Variants in CDKAL1 observed in about 807,000 individuals in gnomAD.
CDKAL1 encodes CDKAL1 threonylcarbamoyladenosine tRNA methylthiotransferase.
A neutral mutation model predicts 68.2 loss-of-function variants in CDKAL1; 32 were observed. That is an observed-to-expected ratio of 0.47 (90% CI 0.35 to 0.63). The LOEUF (loss-of-function observed/expected upper bound fraction) is 0.63, where lower values mean the gene tolerates loss of function less well. Among genes scored for constraint, CDKAL1 ranks in the 30% least tolerant of loss-of-function variants. CDKAL1 has a pLI of 0.00. For synonymous variants in CDKAL1, 234 were observed against 244.3 expected (o/e 0.96, Z 0.39); for missense variants, 606 against 696.7 (o/e 0.87, Z 1.47).
intron 10 of CDKAL1, among the ~76,000 whole-genome samples, chr6:20,996,507 T>C (rs1767119028): frequency 6.6e-6 from 1 of 152,106 alleles, no homozygotes; most frequent in African/African-American, 2.4e-5. Context: ...TCTCAGAGGA[T>C]AGGGAGGCCC....
At chr6:21,188,512 A>G (rs1399083575) in intron 13 of CDKAL1, among the ~76,000 whole-genome samples, 1 of 152,202 alleles carries the variant, frequency 6.6e-6, no homozygotes, top group Non-Finnish European at 1.5e-5. Flanking sequence ...AAGTGAACGG[A>G]AATTCTGTTC....
chr6:20,900,911 A>G (rs1409465762), intron 9 of CDKAL1, among the ~76,000 whole-genome samples: 1 of 152,222 alleles, frequency 6.6e-6, no homozygotes, highest in African/African-American at 2.4e-5. Flanking sequence ...ATGAAAAATC[A>G]TTATCCTTTA....
In CDKAL1 at chr6:20,711,289, G is replaced by C. The variant is rs143698417; in HGVS notation, c.372-28230G>C. On this transcript the variant is annotated intron_variant, in intron 5 of 15. Coordinates refer to ENST00000274695, the MANE Select transcript of CDKAL1 (RefSeq NM_017774.3). Reference sequence around the variant, plus strand: ...ACACATTACATTTTCCCAATATTTCGAGTATGTCATTAGCCAAATATGAGA... The same window carrying C: ...ACACATTACATTTTCCCAATATTTCCAGTATGTCATTAGCCAAATATGAGA... Among the ~76,000 whole-genome samples, 574 of 152,212 alleles carry C rather than the reference G, an allele frequency of 3.8e-3. 1 individual carries two copies. Among genetic ancestry groups the C allele is most frequent in the African/African-American group, 0.013 (533 of 41,532 alleles).
chr6:20,705,891 G>T (rs1309335137), intron 5 of CDKAL1, among the ~76,000 whole-genome samples: 1 of 152,198 alleles, frequency 6.6e-6, no homozygotes, highest in Non-Finnish European at 1.5e-5. Context: ...CTTGTCCTGT[G>T]TGGTGGGTCT....
intron 4 of CDKAL1, among the ~76,000 whole-genome samples, chr6:20,594,794 G>A (rs1765748048): frequency 6.6e-6 from 1 of 152,080 alleles, no homozygotes; most frequent in Non-Finnish European, 1.5e-5. Flanking sequence ...TTACAATTTG[G>A]TATGTTTTTG....
intron 10 of CDKAL1, among the ~76,000 whole-genome samples, chr6:20,962,373 C>T (rs1402097995): frequency 1.3e-5 from 2 of 152,142 alleles, no homozygotes; most frequent in Non-Finnish European, 2.9e-5. Flanking sequence ...AATCAGCTTC[C>T]TGCTACCCTA....
At chr6:21,198,216 G>A (rs1049055181) in intron 14 of CDKAL1, 112 bp downstream of exon 14, 3 of 664,854 alleles carry the variant, frequency 4.5e-6, no homozygotes, top group African/African-American at 1.8e-5. Flanking sequence ...CAACAAGGCT[G>A]TTTTATCGCT....
At chr6:21,000,082 C>A in intron 10 of CDKAL1, 145 bp from the exon 11 acceptor site, 1 of 540,524 alleles carries the variant, frequency 1.9e-6, no homozygotes, top group Non-Finnish European at 3.3e-6. Flanking sequence ...AGAATATTAC[C>A]AACTGATGTT....
intron 5 of CDKAL1, among the ~76,000 whole-genome samples, chr6:20,650,589 C>T (rs894497903): frequency 6.6e-5 from 10 of 152,014 alleles, no homozygotes; most frequent in South Asian, 6.2e-4. Flanking sequence ...TTGCTTTTGT[C>T]GAAATTGCTT....
chr6:20,878,812 C>T (rs1193702268), intron 9 of CDKAL1, among the ~76,000 whole-genome samples: 1 of 151,604 alleles, frequency 6.6e-6, no homozygotes, highest in Non-Finnish European at 1.5e-5. Flanking sequence ...GGCATGGTGG[C>T]TCACGCCTGT....
intron 9 of CDKAL1, among the ~76,000 whole-genome samples, chr6:20,948,111 G>T (rs1394543461): frequency 6.6e-6 from 1 of 151,034 alleles, no homozygotes; most frequent in African/African-American, 2.4e-5. Flanking sequence ...TCAACTCCTG[G>T]GGTCTAGTGA....
At chr6:20,788,537 G>C (rs1323972904) in intron 8 of CDKAL1, among the ~76,000 whole-genome samples, 1 of 152,104 alleles carries the variant, frequency 6.6e-6, no homozygotes, top group Non-Finnish European at 1.5e-5. Context: ...CTCTGCACTT[G>C]GAGTTTGTAG....
At chr6:20,844,698 A>AG (rs1554129756) in intron 8 of CDKAL1, among the ~76,000 whole-genome samples, 3 of 95,782 alleles carry the variant, frequency 3.1e-5, no homozygotes, top group Non-Finnish European at 5.5e-5. Context: ...AAAAAAAAAA[A>AG]GAAACAGAAA....
intron 9 of CDKAL1, among the ~76,000 whole-genome samples, chr6:20,871,524 C>T (rs1049520258): frequency 5.9e-5 from 9 of 152,138 alleles, no homozygotes; most frequent in Admixed American, 3.9e-4. Context: ...TTCCCACTCT[C>T]TTAGTCTGTT....
In CDKAL1 at chr6:20,709,770, A is replaced by G. The variant is rs112419676; in HGVS notation, c.372-29749A>G. On this transcript the variant is annotated intron_variant, in intron 5 of 15. Coordinates refer to ENST00000274695, the MANE Select transcript of CDKAL1 (RefSeq NM_017774.3). ...CTTTCTTGGCTTCATCCTTCAAGCT[A>G]TTATTTTCTGTGATTATTAGGACAA... Among the ~76,000 whole-genome samples the G allele has an allele frequency of 4.3e-3, 661 of 152,196 alleles. 5 individuals carry two copies. The highest frequency in any genetic ancestry group is 0.015 in the African/African-American group (624 of 41,532).
At chr6:20,718,877 A>G (rs758207906) in intron 5 of CDKAL1, among the ~76,000 whole-genome samples, 4 of 152,222 alleles carry the variant, frequency 2.6e-5, no homozygotes, top group Admixed American at 6.5e-5. Context: ...TAATGACGTC[A>G]TCTACTACTG....
intron 9 of CDKAL1, among the ~76,000 whole-genome samples, chr6:20,901,128 C>G (rs1044160792): frequency 6.6e-6 from 1 of 152,018 alleles, no homozygotes. Flanking sequence ...CAGGAGAGGA[C>G]AGGAGAACGG....
At chr6:20,608,592 A>G (rs1158150067) in intron 4 of CDKAL1, among the ~76,000 whole-genome samples, 1 of 152,214 alleles carries the variant, frequency 6.6e-6, no homozygotes, top group Non-Finnish European at 1.5e-5. Flanking sequence ...TGATACCAGT[A>G]GAGAGGAAGC....
At chr6:20,548,174 T>C (rs1763677976) in intron 3 of CDKAL1, among the ~76,000 whole-genome samples, 1 of 152,170 alleles carries the variant, frequency 6.6e-6, no homozygotes, top group Non-Finnish European at 1.5e-5. Context: ...TTTGAATGGA[T>C]TGTAGTGAGT....
Sources: allele counts gnomAD v4.1 joint callset (sites outside exome capture counted in the v4.1 genomes callset), GRCh38; gene constraint gnomAD v4.1.1; transcripts MANE v1.5; gene names NCBI Gene and HGNC (gene_info 2026-07-23, HGNC 2026-07-21).